PLCB4: variants seen among roughly 807,000 people sequenced by gnomAD.
PLCB4 encodes phospholipase C beta 4.
In PLCB4, 77 loss-of-function variants were observed where a neutral mutation model predicts 178.8. That is an observed-to-expected ratio of 0.43 (90% CI 0.36 to 0.52). PLCB4 has a LOEUF of 0.52. Among genes scored for constraint, PLCB4 ranks in the 20% least tolerant of loss-of-function variants. The pLI, the probability that PLCB4 is intolerant of heterozygous loss-of-function variation, is 0.00. For missense variants in PLCB4, 1,024 were observed against 1,453.4 expected (o/e 0.70, Z 4.80); for synonymous variants, 496 against 490.8 (o/e 1.01, Z -0.14).
At chr20:9,230,052 G>A (rs558522839) in intron 3 of PLCB4, among the ~76,000 whole-genome samples, 2 of 152,276 alleles carry the variant, frequency 1.3e-5, no homozygotes, top group East Asian at 3.9e-4. Context: ...AGATCAAGGT[G>A]TTGGCAGGTA....
chr20:9,401,021 A>G (rs1160034971), intron 19 of PLCB4, among the ~76,000 whole-genome samples: 2 of 152,166 alleles, frequency 1.3e-5, no homozygotes, highest in Non-Finnish European at 2.9e-5. Flanking sequence ...TCCAAGCTAT[A>G]AGTCATTATG....
intron 3 of PLCB4, among the ~76,000 whole-genome samples, chr20:9,255,882 C>T (rs1022525070): frequency 6.6e-6 from 1 of 152,080 alleles, no homozygotes; most frequent in Non-Finnish European, 1.5e-5. Context: ...AGTTTGTCAA[C>T]TGCCTAGACT....
chr20:9,442,858 C>T (rs563574612), intron 30 of PLCB4, among the ~76,000 whole-genome samples: 8 of 152,144 alleles, frequency 5.3e-5, no homozygotes, highest in Non-Finnish European at 8.8e-5. Flanking sequence ...GGCCTGACCA[C>T]CCTATCATTG....
chr20:9,431,800 G>A (rs993762070), intron 28 of PLCB4, among the ~76,000 whole-genome samples: 9 of 151,968 alleles, frequency 5.9e-5, no homozygotes, highest in African/African-American at 1.7e-4. Flanking sequence ...ATGAGCCACC[G>A]TGACCGGCCT....
intron 2 of PLCB4, among the ~76,000 whole-genome samples, chr20:9,137,704 G>A (rs1380220565): frequency 1.3e-5 from 2 of 148,486 alleles, no homozygotes. Flanking sequence ...AATTCCTTAT[G>A]TTTCTCATCC....
At chr20:9,421,153 G>T in intron 26 of PLCB4, 144 bp from the exon 27 acceptor site, 1 of 579,530 alleles carries the variant, frequency 1.7e-6, no homozygotes, top group South Asian at 3.0e-5. Flanking sequence ...GTTTTGGTTT[G>T]ATAGAAATGA....
intron 2 of PLCB4, among the ~76,000 whole-genome samples, chr20:9,207,956 G>C (rs1373399558): frequency 6.6e-6 from 1 of 152,124 alleles, no homozygotes; most frequent in Non-Finnish European, 1.5e-5. Flanking sequence ...GGCAGCTGCT[G>C]GTATATAGGG....
intron 18 of PLCB4, among the ~76,000 whole-genome samples, chr20:9,394,522 G>A (rs1369718122): frequency 3.3e-5 from 5 of 151,934 alleles, no homozygotes; most frequent in Non-Finnish European, 4.4e-5. Flanking sequence ...TACATCAGCA[G>A]GATATACATC....
chr20:9,260,191 A>C (rs6056500), intron 3 of PLCB4, among the ~76,000 whole-genome samples: 19,223 of 152,110 alleles, frequency 0.13, 2,000 homozygotes, highest in East Asian at 0.32. Flanking sequence ...TATGAAAAGC[A>C]TGAGGAATAC....
At chr20:9,100,602 A>T (rs6133664) in intron 2 of PLCB4, among the ~76,000 whole-genome samples, 31,076 of 152,092 alleles carry the variant, frequency 0.2, 4,367 homozygotes, top group East Asian at 0.65. Flanking sequence ...TCCCCCATGG[A>T]TTTAGTAATG....
At chr20:9,424,032 T>G (rs1178043365) in intron 28 of PLCB4, 80 bp downstream of exon 28, 1 of 951,876 alleles carries the variant, frequency 1.1e-6, no homozygotes, top group African/African-American at 1.6e-5. Flanking sequence ...TGTCCATGCT[T>G]TAAAAAACAA....
intron 32 of PLCB4, among the ~76,000 whole-genome samples, chr20:9,444,977 T>C (rs1173954771): frequency 6.6e-6 from 1 of 152,140 alleles, no homozygotes; most frequent in Non-Finnish European, 1.5e-5. Context: ...CTTATGTAAA[T>C]CTTGCCCAGT....
chr20:9,267,766 C>G (rs1049980859), intron 3 of PLCB4, among the ~76,000 whole-genome samples: 2 of 152,130 alleles, frequency 1.3e-5, no homozygotes, highest in African/African-American at 4.8e-5. Flanking sequence ...ATGTGGCAAT[C>G]ACTTTAAGAT....
At chr20:9,302,049 G>A (rs1384837737) in intron 3 of PLCB4, among the ~76,000 whole-genome samples, 4 of 152,128 alleles carry the variant, frequency 2.6e-5, no homozygotes, top group Admixed American at 1.3e-4. Flanking sequence ...TGCATGGTGA[G>A]ATGATGCCAT....
intron 3 of PLCB4, among the ~76,000 whole-genome samples, chr20:9,224,670 C>G (rs1308509518): frequency 2.0e-5 from 3 of 152,196 alleles, no homozygotes; most frequent in Non-Finnish European, 2.9e-5. Flanking sequence ...TTCTCACCAT[C>G]TTTCCATTTC....
chr20:9,107,535 G>C (rs1224272505), intron 2 of PLCB4, among the ~76,000 whole-genome samples: 2 of 152,094 alleles, frequency 1.3e-5, no homozygotes, highest in Admixed American at 1.3e-4. Flanking sequence ...CAGGCTTTTG[G>C]GGGTGGGAGG....
intron 2 of PLCB4, among the ~76,000 whole-genome samples, chr20:9,193,105 C>T (rs542050650): frequency 6.6e-6 from 1 of 152,346 alleles, no homozygotes; most frequent in South Asian, 2.1e-4. Context: ...TTATTGAGCA[C>T]CTACCATGTG....
intron 3 of PLCB4, chr20:9,280,491 C>A: frequency 1.1e-5 from 11 of 978,674 alleles, no homozygotes; most frequent in Non-Finnish European, 1.3e-5. Context: ...GTGTCTCTGT[C>A]CTAATTTCAC....
At chr20:9,463,593 C>CAAAAAA (rs145361980) in intron 35 of PLCB4, among the ~76,000 whole-genome samples, 38 of 49,684 alleles carry the variant, frequency 7.6e-4, no homozygotes, top group African/African-American at 1.9e-3. Context: ...AAATGGAAAG[C>CAAAAAA]AAAAAAAAAA....
Sources: allele counts gnomAD v4.1 joint callset (sites outside exome capture counted in the v4.1 genomes callset), GRCh38; gene constraint gnomAD v4.1.1; transcripts MANE v1.5; gene names NCBI Gene and HGNC (gene_info 2026-07-23, HGNC 2026-07-21).